The following CEACAM18 variants were observed in gnomAD, a reference collection of about 807,000 sequenced individuals.
CEACAM18 encodes the protein cell adhesion molecule CEACAM18.
CEACAM18 carries 33 observed loss-of-function variants against 34.3 expected under a neutral mutation model. The ratio of observed to expected loss-of-function variants is 0.96; its 90% confidence interval spans 0.73 to 1.29. The LOEUF (loss-of-function observed/expected upper bound fraction) is 1.29. Ranked by LOEUF, CEACAM18 falls within the 50% of genes most tolerant of loss-of-function variation. The pLI is 0.00. For missense variants in CEACAM18, 474 were observed against 485.0 expected (o/e 0.98, Z 0.21); for synonymous variants, 169 against 180.9 (o/e 0.93, Z 0.53).
rs1989946320 is a variant in CEACAM18 at position 51,483,178 on chromosome 19, G to A, written c.835G>A (p.Ala279Thr). 1.9e-6 allele frequency: 3 copies of A among 1,613,884 alleles called. No individual in the cohort carries two copies. In the Admixed American group the frequency reaches 5.0e-5, roughly 27 times the overall value. ...TGGCTCCCTCCTGAACTTCTCAGAT[G>A]CAAAGATGAACCTCTCGAGTCTTGC... The change falls in exon 4 of 6, where the codon GCA becomes ACA. Residue 279 changes from alanine to threonine, a missense_variant. Physicochemically the swap from Ala to Thr is moderately conservative, Grantham distance 58. Coordinates refer to ENST00000396477, the Ensembl canonical transcript of CEACAM18.
At chr19:51,480,252 G>A (rs1161852680) in intron 1 of CEACAM18, 81 bp from the exon 2 acceptor site, 2 of 1,159,642 alleles carry the variant, frequency 1.7e-6, no homozygotes, top group African/African-American at 1.6e-5. Flanking sequence ...GTTCCCGGAT[G>A]GTGTCTTTTT....
At chr19:51,485,104 T>C in exon 5 of CEACAM18, 1 of 1,525,462 alleles carries the variant, frequency 6.6e-7, no homozygotes, top group East Asian at 2.5e-5. Context: ...CATGCTCTGA[T>C]CAACCACTAC....
At chr19:51,487,329 G>T (rs1262218999) in intron 5 of CEACAM18, among the ~76,000 whole-genome samples, 3 of 151,812 alleles carry the variant, frequency 2.0e-5, no homozygotes, top group Non-Finnish European at 4.4e-5. Context: ...ACAAAAGTTA[G>T]CCTGGAGTGG....
At chr19:51,487,441 T>A (rs2122192467) in intron 5 of CEACAM18, among the ~76,000 whole-genome samples, 1 of 152,162 alleles carries the variant, frequency 6.6e-6, no homozygotes, top group South Asian at 2.1e-4. Flanking sequence ...GCCACTGCAC[T>A]CCAGCCTGGG....
rs1405405052 is a variant in CEACAM18, at chr19:51,480,359, C to T, written c.79C>T (p.Gln27Ter). ...CAGTCTGCTGGCCTGTGGGATCTGC[C>T]AGGCCTCTGGCCAAATCTTCATCAC... The change falls in exon 2 of 6, where the codon CAG (glutamine) becomes TAG (stop). Residue 27 changes from glutamine (Q) to a stop codon, truncating the protein, a stop_gained. Coordinates refer to ENST00000396477, the Ensembl canonical transcript of CEACAM18. LOFTEE classifies it high-confidence loss of function. The T allele has an allele frequency of 3.1e-6, 5 of 1,610,888 alleles. No homozygotes were observed. The highest frequency in any genetic ancestry group is 4.2e-6 in the Non-Finnish European group (5 of 1,178,376).
At chr19:51,483,203 C>T in exon 4 of CEACAM18, 1 of 1,613,992 alleles carries the variant, frequency 6.2e-7, no homozygotes, top group Non-Finnish European at 8.5e-7. Flanking sequence ...TCGAGTCTTG[C>T]CTGGGAGCAG....
chr19:51,478,959 C>G (rs1163306979), intron 1 of CEACAM18, among the ~76,000 whole-genome samples: 1 of 143,076 alleles, frequency 7.0e-6, no homozygotes, highest in African/African-American at 2.5e-5. Context: ...CACATGCACA[C>G]ACACACACGC....
chr19:51,479,887 A>G (rs1989878899), intron 1 of CEACAM18, among the ~76,000 whole-genome samples: 1 of 152,158 alleles, frequency 6.6e-6, no homozygotes, highest in African/African-American at 2.4e-5. Flanking sequence ...CATAGTGGGG[A>G]CAGGATGGGG....
intron 4 of CEACAM18, among the ~76,000 whole-genome samples, chr19:51,484,601 G>A (rs1989970007): frequency 9.6e-6 from 1 of 104,470 alleles, no homozygotes; most frequent in South Asian, 3.2e-4. Context: ...TTTGTCCTCA[G>A]TGCTTGGCAC....
chr19:51,488,345 A>G (rs1344486411), intron 5 of CEACAM18, among the ~76,000 whole-genome samples: 1 of 152,218 alleles, frequency 6.6e-6, no homozygotes, highest in Non-Finnish European at 1.5e-5. Flanking sequence ...GGTATTTACT[A>G]GTAAGAGCTT....
intron 5 of CEACAM18, among the ~76,000 whole-genome samples, chr19:51,485,427 C>A (rs1989982587): frequency 6.6e-6 from 1 of 152,186 alleles, no homozygotes; most frequent in Non-Finnish European, 1.5e-5. Context: ...AATGAGAGGT[C>A]TGCATGTCAA....
At chr19:51,480,766 C>T in intron 2 of CEACAM18, 86 bp downstream of exon 2, 1 of 1,242,154 alleles carries the variant, frequency 8.1e-7, no homozygotes, top group Non-Finnish European at 1.1e-6. Context: ...CAGAGCATGA[C>T]ACCGGGAGTG....
chr19:51,490,587 G>C, exon 6 of CEACAM18: 1 of 1,232,210 alleles, frequency 8.1e-7, no homozygotes, highest in Admixed American at 4.2e-5. Flanking sequence ...CTCCCCATAG[G>C]ACAAATCGGG....
At chr19:51,481,297 C>T (rs1989910772) in intron 2 of CEACAM18, 96 bp from the exon 3 acceptor site, 2 of 1,346,634 alleles carry the variant, frequency 1.5e-6, no homozygotes, top group South Asian at 2.8e-5. Context: ...CAGCTCTTGG[C>T]TTCTCTCCAA....
chr19:51,485,532 T>A (rs749665223), intron 5 of CEACAM18, among the ~76,000 whole-genome samples: 6 of 152,152 alleles, frequency 3.9e-5, no homozygotes, highest in Non-Finnish European at 8.8e-5. Context: ...GGCAGTGGGA[T>A]GGTTAAGGTC....
chr19:51,483,134 A>T (rs1460477219), exon 4 of CEACAM18: 7 of 1,614,036 alleles, frequency 4.3e-6, no homozygotes, highest in Middle Eastern at 3.3e-4. Context: ...CTGGATCTCA[A>T]GTACCACTGG....
chr19:51,485,050 T>A, exon 5 of CEACAM18: 1 of 1,536,036 alleles, frequency 6.5e-7, no homozygotes, highest in Non-Finnish European at 8.7e-7. Context: ...TTCCTCATCA[T>A]GCTGACAGTG....
intron 1 of CEACAM18, 113 bp downstream of exon 1, chr19:51,478,807 C>A (rs544772792): frequency 4.1e-6 from 3 of 726,320 alleles, no homozygotes; most frequent in Admixed American, 8.3e-5. Flanking sequence ...CATCAAGAAA[C>A]TCCCAGAGCA....
intron 5 of CEACAM18, 85 bp downstream of exon 5, chr19:51,485,207 G>C: frequency 7.5e-7 from 1 of 1,327,098 alleles, no homozygotes. Flanking sequence ...AGGGGAAGCA[G>C]AGCCAGAAGG....
Sources: gnomAD v4.1 joint callset for allele counts (sites outside exome capture counted in the v4.1 genomes callset) on GRCh38, gnomAD v4.1.1 for gene constraint, MANE v1.5 for transcripts, NCBI Gene and HGNC (gene_info 2026-07-23, HGNC 2026-07-21) for gene names.